The following CHST8 variants were observed in gnomAD, a reference collection of about 807,000 sequenced individuals.
CHST8 encodes GALNAC-4-ST1.
Under a neutral mutation model 15.0 loss-of-function variants are expected in CHST8, and 10 were observed. The ratio of observed to expected loss-of-function variants is 0.67; its 90% CI spans 0.41 to 1.13. The LOEUF is 1.13. Ranked by LOEUF, CHST8 falls within the 50% of genes most tolerant of loss-of-function variation. The pLI, the probability that CHST8 is intolerant of heterozygous loss-of-function variation, is 0.00. For synonymous variants in CHST8, 259 were observed against 256.6 expected, an observed-to-expected ratio of 1.01 and a Z score of -0.09; for missense variants, 634 against 608.2, an observed-to-expected ratio of 1.04 and a Z score of -0.45.
chr19:33,692,198 C>G (rs1973110562), intron 3 of CHST8, among the ~76,000 whole-genome samples: 1 of 152,154 alleles, frequency 6.6e-6, no homozygotes. Context: ...ACAGGAAGAG[C>G]TACCCAGTAA....
chr19:33,757,025 C>T (rs1974559741), intron 3 of CHST8, among the ~76,000 whole-genome samples: 2 of 152,128 alleles, frequency 1.3e-5, no homozygotes, highest in African/African-American at 2.4e-5. Context: ...GGTCTGGGGC[C>T]CCCCTGGTCA....
rs1056898039 is a variant in CHST8 at position 33,627,104 on chromosome 19, G to C, written c.-164+4808G>C. Among the ~76,000 whole-genome samples the C allele has an allele frequency of 1.4e-4, 17 of 120,850 alleles. No homozygotes were observed. In the South Asian group the frequency reaches 5.4e-3, roughly 38 times the overall value. 79.3% of individuals were successfully genotyped at this position (120,850 alleles called of 152,430 possible). A position where few individuals can be genotyped will look rare whatever the true frequency, so the allele number is the denominator to read the frequency against. On this transcript the variant is annotated intron_variant, in intron 1 of 4. Transcript: ENST00000650847. ...CATGCCTGTCCTCTTTTTTTGGGGG[G>C]GGGGCGGGTGGGGTGACGGAGTCTC...
intron 3 of CHST8, among the ~76,000 whole-genome samples, chr19:33,718,350 C>T (rs1213343157): frequency 6.6e-6 from 1 of 151,762 alleles, no homozygotes; most frequent in Non-Finnish European, 1.5e-5. Flanking sequence ...TCCCAAAGTG[C>T]TGGGATTACA....
intron 1 of CHST8, among the ~76,000 whole-genome samples, chr19:33,628,071 C>T (rs765311147): frequency 7.9e-5 from 12 of 152,146 alleles, no homozygotes; most frequent in Non-Finnish European, 1.3e-4. Context: ...AGGAGGACTT[C>T]TCGGAGGAGG....
intron 1 of CHST8, among the ~76,000 whole-genome samples, chr19:33,643,202 C>T (rs1972306251): frequency 6.6e-6 from 1 of 152,086 alleles, no homozygotes; most frequent in African/African-American, 2.4e-5. Context: ...CGTGAGCGGG[C>T]CTATTTTTTC....
intron 3 of CHST8, among the ~76,000 whole-genome samples, chr19:33,705,697 C>G (rs934834873): frequency 6.6e-6 from 1 of 152,158 alleles, no homozygotes; most frequent in African/African-American, 2.4e-5. Context: ...GGCATGGCCA[C>G]CCTGGCTCCC....
intron 3 of CHST8, among the ~76,000 whole-genome samples, chr19:33,735,219 C>T (rs544174522): frequency 6.6e-6 from 1 of 152,320 alleles, no homozygotes; most frequent in South Asian, 2.1e-4. Flanking sequence ...TGGCTCACAG[C>T]TTCCTACCCT....
intron 1 of CHST8, among the ~76,000 whole-genome samples, chr19:33,650,997 G>A (rs544281043): frequency 7.2e-5 from 11 of 152,168 alleles, no homozygotes; most frequent in African/African-American, 2.7e-4. Context: ...TGCCACACCT[G>A]GCCACAAGTT....
At chr19:33,736,283 C>G (rs1698495036) in intron 3 of CHST8, among the ~76,000 whole-genome samples, 1 of 152,184 alleles carries the variant, frequency 6.6e-6, no homozygotes, top group Non-Finnish European at 1.5e-5. Flanking sequence ...GATTCTATAC[C>G]AGCCTGGAGC....
chr19:33,704,708 G>A (rs190025229), intron 3 of CHST8, among the ~76,000 whole-genome samples: 10 of 152,270 alleles, frequency 6.6e-5, no homozygotes, highest in African/African-American at 1.7e-4. Context: ...TCAGGAGTTC[G>A]AGACTAGCCT....
intron 1 of CHST8, among the ~76,000 whole-genome samples, chr19:33,623,230 G>A (rs1008837676): frequency 9.2e-5 from 14 of 152,348 alleles, no homozygotes; most frequent in African/African-American, 3.4e-4. Context: ...GGCTGTGGGC[G>A]CTGCTGCCCG....
intron 3 of CHST8, among the ~76,000 whole-genome samples, chr19:33,724,438 G>T (rs1057128010): frequency 6.6e-6 from 1 of 152,236 alleles, no homozygotes; most frequent in Non-Finnish European, 1.5e-5. Context: ...TCCGGGCTCA[G>T]CCAAGGAGCC....
intron 1 of CHST8, among the ~76,000 whole-genome samples, chr19:33,633,738 C>A (rs1972154528): frequency 2.0e-5 from 3 of 150,710 alleles, no homozygotes; most frequent in Non-Finnish European, 4.4e-5. Flanking sequence ...ATTGTTGGGC[C>A]CCAGGGTGCA....
rs1190521061 is a variant in CHST8 at position 33,771,404 on chromosome 19, G to C, written c.131-9G>C. 4 of 1,613,928 alleles carry C rather than the reference G, an allele frequency of 2.5e-6. No homozygotes were observed. The highest frequency in any genetic ancestry group is 2.7e-5 in the African/African-American group (2 of 74,908). On this transcript the variant is annotated splice_polypyrimidine_tract_variant and intron_variant, in intron 3 of 4. Coordinates refer to ENST00000650847, the MANE Select transcript of CHST8 (RefSeq NM_001127895.2). ...GCTAATACTGTCCTCTCCTCTGTTT[G>C]CTTTTCAGGAATAAAGTTCAACATC...
intron 2 of CHST8, chr19:33,685,325 C>T (rs1972958121): frequency 6.6e-6 from 1 of 151,678 alleles, no homozygotes; most frequent in Non-Finnish European, 1.5e-5. Flanking sequence ...GCCCTGTGTC[C>T]CAGGAGGGGT....
At chr19:33,635,766 A>G (rs1972187466) in intron 1 of CHST8, among the ~76,000 whole-genome samples, 1 of 152,148 alleles carries the variant, frequency 6.6e-6, no homozygotes, top group Admixed American at 6.5e-5. Context: ...CTGGAGAGCT[A>G]TGGAAGGCTT....
rs187890952 is a variant in CHST8, at chr19:33,750,045, G to T, written c.131-21368G>T. On this transcript the variant is annotated intron_variant, in intron 3 of 4. Coordinates refer to ENST00000650847, the MANE Select transcript of CHST8 (RefSeq NM_001127895.2). Reference sequence around the variant, plus strand: ...GCTGGCATGGCTGGGAGACCGAAACGCCCTGAGACGGGCCAGAGGCTCAGG... The same window carrying T: ...GCTGGCATGGCTGGGAGACCGAAACTCCCTGAGACGGGCCAGAGGCTCAGG... Among the ~76,000 whole-genome samples, 270 of 152,290 alleles carry T rather than the reference G, an allele frequency of 1.8e-3. 2 individuals carry two copies. The highest frequency in any genetic ancestry group is 6.2e-3 in the African/African-American group (257 of 41,568).
In CHST8 at chr19:33,772,755, G is replaced by A. The variant is rs1425872841; in HGVS notation, c.967G>A (p.Gly323Arg). The change falls in exon 5 of 5, where the codon GGG becomes AGG. Residue 323 changes from glycine (G) to arginine (R), a missense_variant. Transcript: ENST00000650847. The stretch of plus-strand genomic sequence containing the variant: ...CCTGCTGGACGTGCACCGGCCCGTG[G>A]GGATGGACATTCACTGGGACCATGT... ...QYLLDVHRPV[G>R]MDIHWDHVSR... 5 of 1,613,448 alleles carry A rather than the reference G, an allele frequency of 3.1e-6. No homozygotes were observed. Among genetic ancestry groups the A allele is most frequent in the Non-Finnish European group, 3.4e-6 (4 of 1,180,032 alleles).
chr19:33,721,643 T>A (rs1023802627), intron 3 of CHST8, among the ~76,000 whole-genome samples: 1 of 6,520 alleles, frequency 1.5e-4, no homozygotes, highest in African/African-American at 6.3e-4. Context: ...TGTGGGTGGG[T>A]GGGTGGGTAG....
Sources: allele counts gnomAD v4.1 joint callset (sites outside exome capture counted in the v4.1 genomes callset), GRCh38; gene constraint gnomAD v4.1.1; transcripts MANE v1.5; gene names NCBI Gene and HGNC (gene_info 2026-07-23, HGNC 2026-07-21).